EIF2AK1: variants seen among roughly 807,000 people sequenced by gnomAD.
EIF2AK1 encodes the protein eukaryotic translation initiation factor 2-alpha kinase 1.
Under a neutral mutation model 77.9 loss-of-function variants are expected in EIF2AK1, and 54 were observed. The observed-to-expected ratio is 0.69, with a 90% confidence interval of 0.56 to 0.87. The LOEUF (loss-of-function observed/expected upper bound fraction) is 0.87, where lower values mean the gene tolerates loss of function less well. Ranked by LOEUF, EIF2AK1 falls within the 40% of genes least tolerant of loss-of-function variation. The pLI is 0.00. For synonymous variants in EIF2AK1, 314 were observed against 290.5 expected (o/e 1.08, Z -0.82); for missense variants, 810 against 768.6 (o/e 1.05, Z -0.64).
In EIF2AK1 at chr7:6,049,296, G is replaced by A. The variant is rs569821530; in HGVS notation, c.412-452C>T. On this transcript the variant is annotated intron_variant, in intron 3 of 14. Coordinates refer to ENST00000199389, the MANE Select transcript of EIF2AK1 (RefSeq NM_014413.4). ...GCGGTGGCTCACGCCTGTAATCCCA[G>A]CACTTGGGAGGCCAAGGCAGGCACA... 4.6e-5 allele frequency among the ~76,000 whole-genome samples: 7 copies of A among 152,270 alleles called. No homozygotes were observed. The South Asian group carries it at 1.4e-3, about 32-fold the overall frequency.
rs564048494 is a variant in EIF2AK1 at position 6,043,545 on chromosome 7, C to G, written c.731-552G>C. Among the ~76,000 whole-genome samples the G allele has an allele frequency of 4.5e-4, 69 of 152,200 alleles. 1 individual carries two copies. The highest frequency in any genetic ancestry group is 1.6e-3 in the African/African-American group (65 of 41,534). On this transcript the variant is annotated intron_variant, in intron 7 of 14. Coordinates refer to ENST00000199389, the MANE Select transcript of EIF2AK1 (RefSeq NM_014413.4). ...CCGGGTTCAAGTGATTCTGCTGCCT[C>G]AGCCTCCCGAGTAGCCGGGACTACA...
chr7:6,025,998 A>G (rs1309211678), intron 14 of EIF2AK1, among the ~76,000 whole-genome samples: 1 of 152,006 alleles, frequency 6.6e-6, no homozygotes, highest in African/African-American at 2.4e-5. Context: ...GCATTTAAAA[A>G]AAAAACATGT....
Position 6,023,345 on chromosome 7 carries a change from C to T in EIF2AK1, c.*1328G>A. The T allele has an allele frequency of 6.2e-7, 1 of 1,610,084 alleles. No homozygotes were observed. The highest frequency in any genetic ancestry group is 8.5e-7 in the Non-Finnish European group (1 of 1,178,834). Reference sequence around the variant, plus strand: ...AAATTCAGCATCCAGACGATGTGCCCCATCGAAGGCGAAGGGAACATTGCA... The same window carrying T: ...AAATTCAGCATCCAGACGATGTGCCTCATCGAAGGCGAAGGGAACATTGCA... On this transcript the variant is annotated 3_prime_UTR_variant, in exon 15 of 15. Transcript: ENST00000199389.
intron 14 of EIF2AK1, among the ~76,000 whole-genome samples, chr7:6,026,008 TAC>T (rs1275228180): frequency 6.6e-6 from 1 of 151,112 alleles, no homozygotes; most frequent in Non-Finnish European, 1.5e-5. Flanking sequence ...AAAAAACATG[TAC>T]AGAGACCATG....
chr7:6,034,717 A>G (rs749806954), intron 11 of EIF2AK1, among the ~76,000 whole-genome samples: 4 of 152,232 alleles, frequency 2.6e-5, no homozygotes. Context: ...TCAGCAGAGC[A>G]GTTAGATTTA....
intron 2 of EIF2AK1, among the ~76,000 whole-genome samples, chr7:6,051,272 T>C (rs1788601362): frequency 6.8e-6 from 1 of 146,858 alleles, no homozygotes; most frequent in African/African-American, 2.5e-5. Flanking sequence ...TTTTTTTCTT[T>C]CTTTTTTTTT....
intron 14 of EIF2AK1, among the ~76,000 whole-genome samples, chr7:6,025,896 AT>A (rs1250447029): frequency 1.3e-5 from 2 of 150,976 alleles, no homozygotes; most frequent in African/African-American, 4.9e-5. Context: ...GCCTCCCAAA[AT>A]CCCATGCCTG....
Position 6,042,989 on chromosome 7 carries a change from G to A in EIF2AK1, c.735C>T (p.Asp245=), listed in dbSNP as rs1455309663. The change falls in exon 8 of 15, where the codon GAC becomes GAT. Residue 245 remains aspartate (D), a synonymous_variant. Transcript: ENST00000199389. Reference sequence around the variant, plus strand: ...GAGATGGCAACTCAATGGCAGCTCTGTCTGCTGAATGAAAACAAACAACAA... The same window carrying A: ...GAGATGGCAACTCAATGGCAGCTCTATCTGCTGAATGAAAACAAACAACAA... ...EHVHVIQPRA[D]RAAIELPSLE... The A allele has an allele frequency of 6.2e-7, 1 of 1,614,084 alleles. No individual in the cohort carries two copies. Among genetic ancestry groups the A allele is most frequent in the African/African-American group, 1.3e-5 (1 of 75,036 alleles).
chr7:6,056,613 A>AAAAAAAAAAAATAG, intron 1 of EIF2AK1, among the ~76,000 whole-genome samples: 1 of 43,730 alleles, frequency 2.3e-5, no homozygotes, highest in African/African-American at 8.2e-5. Context: ...AAAAAAAAAA[A>AAAAAAAAAAAATAG]ATATATATAT....
chr7:6,027,075 G>C lies in EIF2AK1; in HGVS notation c.1531-114C>G, dbSNP rs559113512. ...AGGGTTTCTAAGAATGAGGATATAC[G>C]GTCACCCACAAGGAAGGGAACAGAG... On this transcript the variant is annotated intron_variant, in intron 13 of 14. Transcript: ENST00000199389. This position sits in a 1 kb window ranked among gnomAD's most constrained non-coding sequence, Gnocchi z 4.5. The C allele has an allele frequency of 3.6e-6, 3 of 840,176 alleles. No homozygotes were observed. Among genetic ancestry groups the C allele is most frequent in the African/African-American group, 3.4e-5 (2 of 58,944 alleles). The allele number at this position is 840,176 out of a possible 1,614,324, so 52.0% of individuals were successfully genotyped here.
chr7:6,035,320 C>T lies in EIF2AK1; in HGVS notation c.1332+2104G>A. On this transcript the variant is annotated intron_variant, in intron 11 of 14. Coordinates refer to ENST00000199389, the MANE Select transcript of EIF2AK1 (RefSeq NM_014413.4). The surrounding 1 kb of genome is among the most constrained non-coding windows in gnomAD (Gnocchi z 5.5). ...CTACCCAGCGATACAGATTTTGAAACACGTCCTTAAGGTAATTGAAGGGTC... is the reference window on the plus strand; with the variant it reads ...CTACCCAGCGATACAGATTTTGAAATACGTCCTTAAGGTAATTGAAGGGTC... 1.0e-6 allele frequency: 1 copy of T among 988,334 alleles called. No homozygotes were observed. Among genetic ancestry groups the T allele is most frequent in the Non-Finnish European group, 1.5e-6 (1 of 685,958 alleles). The allele number at this position is 988,334 out of a possible 1,614,324, so 61.2% of individuals were successfully genotyped here.
intron 14 of EIF2AK1, among the ~76,000 whole-genome samples, chr7:6,025,275 A>G (rs1023851865): frequency 6.6e-6 from 1 of 152,248 alleles, no homozygotes; most frequent in Admixed American, 6.5e-5. Flanking sequence ...AAATGTTTAT[A>G]CTTGGTTTCA....
chr7:6,039,644 C>CACAG (rs1326350886), intron 9 of EIF2AK1, among the ~76,000 whole-genome samples: 1 of 115,536 alleles, frequency 8.7e-6, no homozygotes, highest in Non-Finnish European at 1.7e-5. Context: ...AAAAAAAAAG[C>CACAG]ACAGGCTTGG....
rs548998995 is a variant in EIF2AK1, at chr7:6,045,278, G to C, written c.631-617C>G. Among the ~76,000 whole-genome samples, 346 of 151,840 alleles carry C rather than the reference G, an allele frequency of 2.3e-3. 1 individual carries two copies. Among genetic ancestry groups the C allele is most frequent in the African/African-American group, 8.0e-3 (329 of 41,338 alleles). ...GCACTACCACACCCAGCTAATTTTT[G>C]TGTTTTTAGTAGAGACAGGGTTGTG... On this transcript the variant is annotated intron_variant, in intron 6 of 14. Transcript: ENST00000199389.
In EIF2AK1 at chr7:6,050,478, A is replaced by T. The variant is rs1049896046; in HGVS notation, c.278-433T>A. 3.3e-5 allele frequency among the ~76,000 whole-genome samples: 5 copies of T among 152,298 alleles called. No individual in the cohort carries two copies. In the East Asian group the frequency reaches 9.6e-4, roughly 29 times the overall value. ...CCAAAGTGCTAGGATTACAGGCATG[A>T]GCCACCAGGCCCAGCCCTTAGATAA... On this transcript the variant is annotated intron_variant, in intron 2 of 14. Transcript: ENST00000199389.
intron 2 of EIF2AK1, among the ~76,000 whole-genome samples, chr7:6,052,601 A>G (rs1470622384): frequency 1.3e-5 from 2 of 150,598 alleles, no homozygotes; most frequent in Non-Finnish European, 3.0e-5. Context: ...AAAAAAAAAA[A>G]AAAAAAGAAC....
chr7:6,056,613 A>AAAAAAAAAAAAAATATATATATATATAT, intron 1 of EIF2AK1, among the ~76,000 whole-genome samples: 1 of 43,736 alleles, frequency 2.3e-5, no homozygotes, highest in African/African-American at 8.2e-5. Flanking sequence ...AAAAAAAAAA[A>AAAAAAAAAAAAAATATATATATATATAT]ATATATATAT....
rs73056648 is a variant in EIF2AK1 at position 6,033,601 on chromosome 7, T to C, written c.1332+3823A>G. Among the ~76,000 whole-genome samples, 13,270 of 152,164 alleles carry C rather than the reference T, an allele frequency of 0.087. 630 individuals are homozygous for C. Among genetic ancestry groups the C allele is most frequent in the Admixed American group, 0.11 (1,657 of 15,274 alleles). On this transcript the variant is annotated intron_variant, in intron 11 of 14. Transcript: ENST00000199389. This position sits in a 1 kb window ranked among gnomAD's most constrained non-coding sequence, Gnocchi z 4.4. ...ATGGATTTTCTTTATTTTTGGTTTTTGTTTTTTGAGACAGAGTCTCGCTCT... is the reference window on the plus strand; with the variant it reads ...ATGGATTTTCTTTATTTTTGGTTTTCGTTTTTTGAGACAGAGTCTCGCTCT...
At chr7:6,046,173 A>G (rs1267933256) in intron 5 of EIF2AK1, 22 bp from the exon 6 acceptor site, 8 of 1,363,728 alleles carry the variant, frequency 5.9e-6, no homozygotes, top group Non-Finnish European at 8.1e-6. Context: ...AAAAAAAGAC[A>G]AAGTATATTG....
Sources: gnomAD v4.1 joint callset for allele counts (sites outside exome capture counted in the v4.1 genomes callset) on GRCh38, gnomAD v4.1.1 for gene constraint, Gnocchi (gnomAD v3.1) non-coding constraint, MANE v1.5 for transcripts, NCBI Gene and HGNC (gene_info 2026-07-23, HGNC 2026-07-21) for gene names.